The following PTPRT variants were observed in gnomAD, a reference collection of about 807,000 sequenced individuals.
PTPRT encodes the protein receptor-type tyrosine-protein phosphatase T.
In PTPRT, 56 loss-of-function variants were observed where a neutral mutation model predicts 176.8. The observed-to-expected ratio is 0.32, with a 90% confidence interval of 0.26 to 0.40. PTPRT has a LOEUF of 0.40. Among genes scored for constraint, PTPRT ranks in the 10% least tolerant of loss-of-function variants. PTPRT has a pLI of 1.00. For missense variants in PTPRT, 1,540 were observed against 1,908.2 expected (o/e 0.81, Z 3.60); for synonymous variants, 783 against 739.0 (o/e 1.06, Z -0.96).
intron 1 of PTPRT, among the ~76,000 whole-genome samples, chr20:43,076,305 T>C (rs1274065608): frequency 1.3e-5 from 2 of 152,190 alleles, no homozygotes; most frequent in Non-Finnish European, 2.9e-5. Flanking sequence ...CTGTGATTCA[T>C]CTGGAACACG....
the PTPRT span, among the ~76,000 whole-genome samples, chr20:42,037,127 T>C: frequency 6.6e-6 from 1 of 152,188 alleles, no homozygotes; most frequent in Non-Finnish European, 1.5e-5. Context: ...TTGTTACTAC[T>C]TACAAATGGA....
intron 9 of PTPRT, among the ~76,000 whole-genome samples, chr20:42,375,381 C>T (rs2145613517): frequency 6.6e-6 from 1 of 152,218 alleles, no homozygotes; most frequent in South Asian, 2.1e-4. Context: ...TGTGGTGGCT[C>T]TAGGAGGTGA....
At chr20:42,096,756 A>AT (rs58111170) in intron 27 of PTPRT, among the ~76,000 whole-genome samples, 1,705 of 118,794 alleles carry the variant, frequency 0.014, 31 homozygotes, top group African/African-American at 0.03. Flanking sequence ...GCTAATTAAA[A>AT]TTTTTTTTTT....
intron 8 of PTPRT, among the ~76,000 whole-genome samples, chr20:42,462,766 T>A (rs1381053220): frequency 6.6e-6 from 1 of 152,198 alleles, no homozygotes; most frequent in Non-Finnish European, 1.5e-5. Flanking sequence ...CTCTCTATGA[T>A]GTCTGATGTT....
At chr20:42,217,995 T>G (rs1210816241) in intron 15 of PTPRT, among the ~76,000 whole-genome samples, 1 of 152,194 alleles carries the variant, frequency 6.6e-6, no homozygotes, top group Non-Finnish European at 1.5e-5. Context: ...GTAAAACAGG[T>G]AAAGGGAACA....
chr20:42,959,716 C>G (rs1981879035), intron 1 of PTPRT, among the ~76,000 whole-genome samples: 1 of 152,142 alleles, frequency 6.6e-6, no homozygotes, highest in South Asian at 2.1e-4. Flanking sequence ...CTAGCGCCTA[C>G]CCCAAGGGAG....
chr20:42,634,108 AATAAT>A (rs1448826646), intron 7 of PTPRT, among the ~76,000 whole-genome samples: 4 of 54,620 alleles, frequency 7.3e-5, no homozygotes, highest in East Asian at 3.6e-4. Flanking sequence ...TATATATTAT[AATAAT>A]ATAATATATT....
At chr20:42,163,523 T>A (rs565128280) in intron 16 of PTPRT, among the ~76,000 whole-genome samples, 4 of 152,294 alleles carry the variant, frequency 2.6e-5, no homozygotes, top group African/African-American at 9.6e-5. Flanking sequence ...CATCAACCCC[T>A]TGGTTTCATG....
intron 9 of PTPRT, among the ~76,000 whole-genome samples, chr20:42,434,490 C>T (rs2059243692): frequency 6.6e-6 from 1 of 151,986 alleles, no homozygotes; most frequent in African/African-American, 2.4e-5. Flanking sequence ...ACTGGAACCT[C>T]ATATAGTCTA....
intron 1 of PTPRT, among the ~76,000 whole-genome samples, chr20:43,161,739 G>C (rs2014706628): frequency 6.6e-6 from 1 of 151,856 alleles, no homozygotes; most frequent in Non-Finnish European, 1.5e-5. Flanking sequence ...CTGCAAAAAA[G>C]CAACTCATTT....
intron 23 of PTPRT, among the ~76,000 whole-genome samples, chr20:42,109,982 A>AAGAT (rs1257866147): frequency 6.6e-6 from 1 of 151,922 alleles, no homozygotes; most frequent in African/African-American, 2.4e-5. Context: ...GCCACTAGAA[A>AAGAT]AGATAACATG....
At chr20:43,007,964 A>T (rs1443242569) in intron 1 of PTPRT, among the ~76,000 whole-genome samples, 1 of 152,238 alleles carries the variant, frequency 6.6e-6, no homozygotes, top group Non-Finnish European at 1.5e-5. Flanking sequence ...AAAAGTGCTG[A>T]CTTAGCTCAG....
chr20:43,054,192 G>T (rs1473149834), intron 1 of PTPRT, among the ~76,000 whole-genome samples: 2 of 152,122 alleles, frequency 1.3e-5, no homozygotes, highest in African/African-American at 4.8e-5. Flanking sequence ...AATAGGGACT[G>T]GTAGAGAAGA....
At chr20:42,431,962 T>C (rs1486372172) in intron 9 of PTPRT, among the ~76,000 whole-genome samples, 6 of 152,186 alleles carry the variant, frequency 3.9e-5, no homozygotes, top group African/African-American at 1.2e-4. Flanking sequence ...AGAACATTTA[T>C]ACAGTAGGTG....
intron 23 of PTPRT, among the ~76,000 whole-genome samples, chr20:42,107,456 G>A (rs554994690): frequency 7.9e-5 from 12 of 152,326 alleles, no homozygotes; most frequent in African/African-American, 1.7e-4. Context: ...CTGACCGTCC[G>A]GAGACCCTTG....
chr20:42,724,092 C>T (rs1183950887), intron 6 of PTPRT, among the ~76,000 whole-genome samples: 1 of 152,224 alleles, frequency 6.6e-6, no homozygotes, highest in East Asian at 1.9e-4. Context: ...AGCAAATATT[C>T]ATTGAACACC....
At position 42,573,745 on chromosome 20, in the gene PTPRT, C is replaced by CTTTTTTTTT. The variant is rs201228742; in HGVS notation, c.1154-101184_1154-101183insAAAAAAAAA. Among the ~76,000 whole-genome samples the CTTTTTTTTT allele has an allele frequency of 7.2e-3, 836 of 115,362 alleles. 11 individuals carry two copies. The highest frequency in any genetic ancestry group is 9.4e-3 in the Non-Finnish European group (554 of 59,044). 75.7% of individuals were successfully genotyped at this position (115,362 alleles called of 152,430 possible). On this transcript the variant is annotated intron_variant, in intron 7 of 30. Transcript: ENST00000373187. ...AAATGGCAAGACGGACCCTTTCTTT[C>CTTTTTTTTT]TTTCTTTTTTTTTTTTTTTTTGAGA... is the stretch of plus-strand genomic sequence containing the variant.
At chr20:42,089,212 T>C (rs1170432962) in intron 27 of PTPRT, among the ~76,000 whole-genome samples, 1 of 152,166 alleles carries the variant, frequency 6.6e-6, no homozygotes, top group Non-Finnish European at 1.5e-5. Context: ...ATCCACAATT[T>C]GAACTTCATT....
chr20:42,607,122 G>C (rs2073891777), intron 7 of PTPRT, among the ~76,000 whole-genome samples: 1 of 152,124 alleles, frequency 6.6e-6, no homozygotes, highest in African/African-American at 2.4e-5. Context: ...CTACTTACAT[G>C]AGACACTTAA....
Sources: gnomAD v4.1 joint callset for allele counts (sites outside exome capture counted in the v4.1 genomes callset) on GRCh38, gnomAD v4.1.1 for gene constraint, MANE v1.5 for transcripts, NCBI Gene and HGNC (gene_info 2026-07-23, HGNC 2026-07-21) for gene names.